The following MYH9 variants were observed in gnomAD, a reference collection of about 807,000 sequenced individuals.
MYH9 encodes myosin-9.
MYH9 carries 29 observed loss-of-function variants against 241.9 expected under a neutral mutation model. The observed-to-expected ratio is 0.12, with a 90% confidence interval of 0.09 to 0.16. The LOEUF (loss-of-function observed/expected upper bound fraction) is 0.16, where lower values mean the gene tolerates loss of function less well. Ranked by LOEUF, MYH9 falls within the 10% of genes least tolerant of loss-of-function variation. The probability of loss-of-function intolerance (pLI) is 1.00; values close to 1 mark genes in which losing one functional copy is unlikely to be tolerated. For missense variants in MYH9, 1,803 were observed against 2,595.5 expected (o/e 0.69, Z 6.63); for synonymous variants, 1,047 against 1,062.6 (o/e 0.99, Z 0.29).
At chr22:36,289,680 C>T (rs2016653824) in intron 31 of MYH9, among the ~76,000 whole-genome samples, 1 of 152,228 alleles carries the variant, frequency 6.6e-6, no homozygotes, top group Non-Finnish European at 1.5e-5. Flanking sequence ...GCCAAGCTGG[C>T]TGCCAAGAAG....
chr22:36,288,660 G>C lies in MYH9; in HGVS notation c.4770+67C>G. ...CTAACACAATCCAGGTGGAAGGAGAGAACAGAAGCCTGCGTGAAGCCAAGG... is the reference window on the plus strand; with the variant it reads ...CTAACACAATCCAGGTGGAAGGAGACAACAGAAGCCTGCGTGAAGCCAAGG... On this transcript the variant is annotated intron_variant, in intron 33 of 40. Transcript: ENST00000216181. This position sits in a 1 kb window ranked among gnomAD's most constrained non-coding sequence, Gnocchi z 4.8. 3 of 1,570,394 alleles carry C rather than the reference G, an allele frequency of 1.9e-6. No individual in the cohort carries two copies. Among genetic ancestry groups the C allele is most frequent in the South Asian group, 2.2e-5 (2 of 90,310 alleles).
At chr22:36,357,150 A>G (rs966171678) in intron 1 of MYH9, among the ~76,000 whole-genome samples, 4 of 152,380 alleles carry the variant, frequency 2.6e-5, no homozygotes, top group African/African-American at 2.4e-5. Flanking sequence ...TCAGCGAAGA[A>G]GAGGAGAGGA....
Position 36,329,456 on chromosome 22 carries a change from C to G in MYH9, c.491-1968G>C, listed in dbSNP as rs911577883. On this transcript the variant is annotated intron_variant, in intron 3 of 40. Coordinates refer to ENST00000216181, the MANE Select transcript of MYH9 (RefSeq NM_002473.6). The surrounding 1 kb of genome is among the most constrained non-coding windows in gnomAD (Gnocchi z 4.1). ...GCAACCGATAAGGGTTTGGAACAAA[C>G]ATTTTTGTCATCCCAGCCCCCTGCC... Among the ~76,000 whole-genome samples the G allele has an allele frequency of 2.0e-5, 3 of 152,168 alleles. No individual in the cohort carries two copies. The highest frequency in any genetic ancestry group is 7.2e-5 in the African/African-American group (3 of 41,434).
chr22:36,284,728 G>A (rs774061224), intron 38 of MYH9, among the ~76,000 whole-genome samples: 17 of 152,138 alleles, frequency 1.1e-4, no homozygotes, highest in Non-Finnish European at 1.9e-4. Context: ...TAAGGGAAGC[G>A]ACACACCTCA....
At chr22:36,303,742 A>C (rs2010131) in intron 19 of MYH9, among the ~76,000 whole-genome samples, 1 of 148,952 alleles carries the variant, frequency 6.7e-6, no homozygotes, top group Non-Finnish European at 1.5e-5. Context: ...CCGAGAACGC[A>C]CCACAGCACT....
At position 36,305,012 on chromosome 22, in the gene MYH9, A is replaced by G; in HGVS notation, c.2229+21T>C. 1.2e-6 allele frequency: 2 copies of G among 1,611,748 alleles called. No homozygotes were observed. Among genetic ancestry groups the G allele is most frequent in the South Asian group, 2.2e-5 (2 of 91,026 alleles). On this transcript the variant is annotated intron_variant, in intron 18 of 40. Coordinates refer to ENST00000216181, the MANE Select transcript of MYH9 (RefSeq NM_002473.6). The surrounding 1 kb of genome is among the most constrained non-coding windows in gnomAD (Gnocchi z 4.7). ...CAAGGGGCTGCCCATCCAGAGAGGC[A>G]GGGACAGCAGCTCAACTCACCATGA...
intron 23 of MYH9, 127 bp downstream of exon 23, chr22:36,300,000 G>C: frequency 7.4e-7 from 1 of 1,354,234 alleles, no homozygotes; most frequent in Non-Finnish European, 1.0e-6. Context: ...TTAAGCAGAA[G>C]CCCTCATGCT....
chr22:36,309,072 G>C (rs1466730803), intron 15 of MYH9, among the ~76,000 whole-genome samples: 2 of 152,206 alleles, frequency 1.3e-5, no homozygotes, highest in African/African-American at 2.4e-5. Flanking sequence ...CGCCCAGGAG[G>C]ACCCGGCCAC....
intron 30 of MYH9, 28 bp from the exon 31 acceptor site, chr22:36,292,262 G>A: frequency 6.2e-7 from 1 of 1,612,744 alleles, no homozygotes; most frequent in Non-Finnish European, 8.5e-7. Flanking sequence ...GTAAGCAGAT[G>A]CCCGAGATGG....
intron 1 of MYH9, among the ~76,000 whole-genome samples, chr22:36,353,848 G>A (rs1326032425): frequency 6.6e-6 from 1 of 152,162 alleles, no homozygotes; most frequent in Non-Finnish European, 1.5e-5. Context: ...CAGAGTTTCA[G>A]ATTTTGTATT....
intron 3 of MYH9, among the ~76,000 whole-genome samples, chr22:36,340,043 G>A (rs1483691510): frequency 6.6e-6 from 1 of 152,094 alleles, no homozygotes; most frequent in Non-Finnish European, 1.5e-5. Flanking sequence ...CAGGTAGGGT[G>A]TTCTGAAGCA....
intron 40 of MYH9, among the ~76,000 whole-genome samples, chr22:36,283,773 C>T (rs2016532630): frequency 6.6e-6 from 1 of 152,222 alleles, no homozygotes; most frequent in South Asian, 2.1e-4. Context: ...AGGCATTGCT[C>T]ATGAGGCTCA....
At chr22:36,348,280 G>C (rs1022054565) in intron 2 of MYH9, among the ~76,000 whole-genome samples, 3 of 151,026 alleles carry the variant, frequency 2.0e-5, no homozygotes, top group Non-Finnish European at 1.5e-5. Context: ...AGGCCGAGGC[G>C]GGTGGATCAC....
intron 18 of MYH9, 58 bp from the exon 19 acceptor site, chr22:36,304,213 G>C (rs1309855476): frequency 6.3e-7 from 1 of 1,581,762 alleles, no homozygotes; most frequent in African/African-American, 1.3e-5. Context: ...CTCCATGAAA[G>C]GGTGGCCCAG....
At chr22:36,327,021 C>A (rs952009542) in intron 4 of MYH9, among the ~76,000 whole-genome samples, 5 of 152,196 alleles carry the variant, frequency 3.3e-5, no homozygotes, top group African/African-American at 1.2e-4. Context: ...ATGTTCTGTG[C>A]CATTAACTCT....
intron 19 of MYH9, 31 bp from the exon 20 acceptor site, chr22:36,302,707 G>A: frequency 6.3e-7 from 1 of 1,579,390 alleles, no homozygotes; most frequent in Non-Finnish European, 8.7e-7. Flanking sequence ...TCAGCGCGGA[G>A]CAGTGGACAG....
At chr22:36,287,037 A>G in intron 34 of MYH9, 191 bp from the exon 35 acceptor site, 1 of 719,246 alleles carries the variant, frequency 1.4e-6, no homozygotes, top group South Asian at 1.7e-5. Flanking sequence ...CGTAATGCAC[A>G]CTTTGACAGT....
At chr22:36,332,677 A>AC (rs2017442152) in intron 3 of MYH9, among the ~76,000 whole-genome samples, 1 of 151,020 alleles carries the variant, frequency 6.6e-6, no homozygotes, top group Non-Finnish European at 1.5e-5. Context: ...AAAAAAAAAA[A>AC]AAAAAAAAAA....
At position 36,306,180 on chromosome 22, in the gene MYH9, G is replaced by T; in HGVS notation, c.2038-129C>A. On this transcript the variant is annotated intron_variant, in intron 16 of 40. Coordinates refer to ENST00000216181, the MANE Select transcript of MYH9 (RefSeq NM_002473.6). This position sits in a 1 kb window ranked among gnomAD's most constrained non-coding sequence, Gnocchi z 4.1. The stretch of plus-strand genomic sequence containing the variant: ...GGGGGTCGCTACAGCCCACAGGTTT[G>T]GACAATGAAGTCAAAGGATCCAGGT... The T allele has an allele frequency of 6.8e-7, 1 of 1,477,308 alleles. No individual in the cohort carries two copies. Among genetic ancestry groups the T allele is most frequent in the Non-Finnish European group, 9.3e-7 (1 of 1,075,572 alleles). The allele number at this position is 1,477,308 out of a possible 1,614,324, so 91.5% of individuals were successfully genotyped here. A position where few individuals can be genotyped will look rare whatever the true frequency, so the allele number is the denominator to read the frequency against.
Sources: gnomAD v4.1 joint callset for allele counts (sites outside exome capture counted in the v4.1 genomes callset) on GRCh38, gnomAD v4.1.1 for gene constraint, Gnocchi (gnomAD v3.1) non-coding constraint, MANE v1.5 for transcripts, NCBI Gene and HGNC (gene_info 2026-07-23, HGNC 2026-07-21) for gene names.